ADCY3: variants seen among roughly 807,000 people sequenced by gnomAD.
ADCY3 encodes the protein adenylate cyclase type 3.
ADCY3 carries 70 observed loss-of-function variants against 119.4 expected under a neutral mutation model. The ratio of observed to expected loss-of-function variants is 0.59; its 90% CI spans 0.48 to 0.72. The LOEUF is 0.72. Ranked by LOEUF, ADCY3 falls within the 30% of genes least tolerant of loss-of-function variation. The pLI, the probability that ADCY3 is intolerant of heterozygous loss-of-function variation, is 0.00. For synonymous variants in ADCY3, 672 were observed against 621.4 expected (o/e 1.08, Z -1.21); for missense variants, 1,238 against 1,541.6 (o/e 0.80, Z 3.30).
At chr2:24,825,998 C>G (rs1558405313) in intron 16 of ADCY3, 47 bp downstream of exon 16, 1 of 1,575,912 alleles carries the variant, frequency 6.3e-7, no homozygotes. Flanking sequence ...CTCAGGAGGC[C>G]CTGTGGGCTG....
intron 8 of ADCY3, 108 bp downstream of exon 8, chr2:24,838,337 G>C (rs1670553576): frequency 4.2e-6 from 5 of 1,184,110 alleles, no homozygotes; most frequent in Non-Finnish European, 5.9e-6. Flanking sequence ...GCCAGCCACT[G>C]CTGGGTCCTG....
chr2:24,840,233 C>T (rs768139144), intron 6 of ADCY3, among the ~76,000 whole-genome samples: 71 of 152,320 alleles, frequency 4.7e-4, no homozygotes, highest in Non-Finnish European at 8.2e-4. Flanking sequence ...GCCAGCAGGA[C>T]GAGGGCACCA....
intron 2 of ADCY3, among the ~76,000 whole-genome samples, chr2:24,885,521 C>G (rs1049362917): frequency 6.6e-6 from 1 of 152,206 alleles, no homozygotes; most frequent in African/African-American, 2.4e-5. Flanking sequence ...CCTGCTCTCT[C>G]TCACTGAGCT....
chr2:24,897,119 A>C (rs888103018), intron 2 of ADCY3, among the ~76,000 whole-genome samples: 1 of 152,094 alleles, frequency 6.6e-6, no homozygotes, highest in African/African-American at 2.4e-5. Flanking sequence ...AGGAAGAAAG[A>C]GACCAGCCAC....
intron 3 of ADCY3, among the ~76,000 whole-genome samples, chr2:24,856,180 A>AGTGTGTGT (rs111720839): frequency 6.6e-6 from 1 of 151,526 alleles, no homozygotes; most frequent in Non-Finnish European, 1.5e-5. Context: ...GAATGTGGAG[A>AGTGTGTGT]GTGTGTGTGT....
intron 21 of ADCY3, chr2:24,820,476 A>G (rs572740980): frequency 2.9e-6 from 4 of 1,386,066 alleles, no homozygotes; most frequent in East Asian, 2.7e-5. Flanking sequence ...AAGGTATTAG[A>G]AGGTTCATAC....
chr2:24,830,649 C>G, intron 13 of ADCY3, 60 bp downstream of exon 13: 2 of 1,371,290 alleles, frequency 1.5e-6, no homozygotes, highest in Admixed American at 1.8e-5. Flanking sequence ...GTGACCCAAA[C>G]AGAAGCCCTT....
chr2:24,832,057 A>AAGGGGGAAGGGGGC (rs1553336853), intron 11 of ADCY3: 3 of 17,584 alleles, frequency 1.7e-4, no homozygotes, highest in Non-Finnish European at 4.9e-4. Context: ...GGACCGGGGG[A>AAGGGGGAAGGGGGC]AGGGGGCAGG....
At position 24,919,059 on chromosome 2, in the gene ADCY3, C is replaced by T; in HGVS notation, c.-72G>A. On this transcript the variant is annotated 5_prime_UTR_variant, in exon 2 of 22. Coordinates refer to ENST00000679454, the MANE Select transcript of ADCY3 (RefSeq NM_004036.5). This position sits in a 1 kb window ranked among gnomAD's most constrained non-coding sequence, Gnocchi z 5.5. ...GAGGAAGAGCTCTGGACTGGGCCTC[C>T]TCTCAGGGCTCTCTGAGACCGGGGG... The T allele has an allele frequency of 7.0e-7, 1 of 1,421,396 alleles. No individual in the cohort carries two copies. Among genetic ancestry groups the T allele is most frequent in the Non-Finnish European group, 9.3e-7 (1 of 1,075,690 alleles). The allele number at this position is 1,421,396 out of a possible 1,614,324, so 88.0% of individuals were successfully genotyped here. A position where few individuals can be genotyped will look rare whatever the true frequency, so the allele number is the denominator to read the frequency against.
intron 9 of ADCY3, among the ~76,000 whole-genome samples, chr2:24,835,706 T>G (rs1013595679): frequency 2.6e-5 from 4 of 151,996 alleles, no homozygotes; most frequent in Admixed American, 6.5e-5. Context: ...GAGGCTGAGG[T>G]GGGTGGATCA....
intron 3 of ADCY3, among the ~76,000 whole-genome samples, chr2:24,861,206 G>A (rs1673606245): frequency 2.0e-5 from 3 of 148,780 alleles, no homozygotes; most frequent in East Asian, 2.0e-4. Context: ...AGCCAAGATC[G>A]TGCCACTGCA....
At position 24,918,529 on chromosome 2, in the gene ADCY3, G is replaced by A. The variant is rs749386418; in HGVS notation, c.459C>T (p.Ser153=). ...LWLLITAQIF[S]YLGLNFARAH... ...CACGCGCGAAGTTCAGGCCCAGGTA[G>A]GAGAAGATCTGGGCGGTTATGAGCA... The change falls in exon 2 of 22, where the codon TCC becomes TCT. Residue 153 remains serine (S), a synonymous_variant. Coordinates refer to ENST00000679454, the MANE Select transcript of ADCY3 (RefSeq NM_004036.5). This position sits in a 1 kb window ranked among gnomAD's most constrained non-coding sequence, Gnocchi z 5.4. 1.9e-5 allele frequency: 30 copies of A among 1,613,976 alleles called. No homozygotes were observed. The highest frequency in any genetic ancestry group is 2.3e-5 in the Non-Finnish European group (27 of 1,179,908).
Position 24,841,117 on chromosome 2 carries a change from CAA to C in ADCY3, c.1196+140_1196+141del. On this transcript the variant is annotated intron_variant, in intron 6 of 21. Transcript: ENST00000679454. The surrounding 1 kb of genome is among the most constrained non-coding windows in gnomAD (Gnocchi z 5.8). ...TAGAGCGGGAGCCTGCGCCACCCATCAACCAGTGCTGTGTCCCAGTCTCTGCT... is the reference window on the plus strand; with the variant it reads ...TAGAGCGGGAGCCTGCGCCACCCATCCCAGTGCTGTGTCCCAGTCTCTGCT... The C allele has an allele frequency of 1.0e-6, 1 of 1,000,384 alleles. No homozygotes were observed. The highest frequency in any genetic ancestry group is 1.9e-5 in the South Asian group (1 of 51,468). 62.0% of individuals were successfully genotyped at this position (1,000,384 alleles called of 1,614,324 possible).
rs778757630 is a variant in ADCY3, at chr2:24,827,906, G to C, written c.2428C>G (p.His810Asp). Reference sequence around the variant, plus strand: ...CCCAGTCACGCTTCATCTTACTCGTGCTCCCGAAAACGCTTGTGGTCGTAT... The same window carrying C: ...CCCAGTCACGCTTCATCTTACTCGTCCTCCCGAAAACGCTTGTGGTCGTAT... ...DEYDHKRFRE[H>D]DLPMVALEQM... Residue 810 changes from histidine (H) to aspartate (D), a missense_variant, in exon 14 of 22, where the codon CAC (histidine) becomes GAC (aspartate). His to Asp is a moderately conservative substitution (Grantham distance 81). Transcript: ENST00000679454. The C allele has an allele frequency of 6.2e-7, 1 of 1,614,050 alleles. No homozygotes were observed. Among genetic ancestry groups the C allele is most frequent in the Admixed American group, 1.7e-5 (1 of 60,024 alleles).
chr2:24,858,316 C>T (rs1023722619), intron 3 of ADCY3, among the ~76,000 whole-genome samples: 2 of 152,084 alleles, frequency 1.3e-5, no homozygotes, highest in South Asian at 2.1e-4. Context: ...CTAAGTGAGT[C>T]AAAAATCCAG....
At position 24,830,700 on chromosome 2, in the gene ADCY3, G is replaced by A. The variant is rs1669368893; in HGVS notation, c.2172+9C>T. 1 of 1,610,472 alleles carries A rather than the reference G, an allele frequency of 6.2e-7. No homozygotes were observed. Among genetic ancestry groups the A allele is most frequent in the Non-Finnish European group, 8.5e-7 (1 of 1,177,068 alleles). On this transcript the variant is annotated intron_variant, in intron 13 of 21. Transcript: ENST00000679454. The stretch of plus-strand genomic sequence containing the variant: ...GGGCGTCCCTTCAACAAGGACAGCA[G>A]GAGCTCACCATGTCCACGACATTTG...
chr2:24,859,987 C>T (rs1333885994), intron 3 of ADCY3, among the ~76,000 whole-genome samples: 1 of 152,202 alleles, frequency 6.6e-6, no homozygotes, highest in Non-Finnish European at 1.5e-5. Flanking sequence ...GCACTGTGGA[C>T]AGTCCTCACC....
chr2:24,827,714 G>C (rs1045465172), intron 14 of ADCY3, 106 bp from the exon 15 acceptor site: 1 of 1,418,670 alleles, frequency 7.0e-7, no homozygotes, highest in Non-Finnish European at 9.7e-7. Context: ...AGAATGGGAA[G>C]AATCTATTCT....
intron 19 of ADCY3, chr2:24,822,100 G>C: frequency 5.3e-6 from 1 of 189,214 alleles, no homozygotes; most frequent in Admixed American, 5.5e-5. Context: ...TTGGGACCAG[G>C]GCTCCTACAC....
Sources: gnomAD v4.1 joint callset for allele counts (sites outside exome capture counted in the v4.1 genomes callset) on GRCh38, gnomAD v4.1.1 for gene constraint, Gnocchi (gnomAD v3.1) non-coding constraint, MANE v1.5 for transcripts, NCBI Gene and HGNC (gene_info 2026-07-23, HGNC 2026-07-21) for gene names.